The following NEK7 variants were observed in gnomAD, a reference collection of about 807,000 sequenced individuals.
The protein encoded by NEK7 is NIMA related kinase 7.
In NEK7, 18 loss-of-function variants were observed where a neutral mutation model predicts 44.6. That is an observed-to-expected ratio of 0.40 (90% CI 0.28 to 0.60). NEK7 has a LOEUF of 0.60. NEK7 is among the 20% of genes least tolerant of loss of function. The probability of loss-of-function intolerance (pLI) is 0.38; values close to 1 mark genes in which losing one functional copy is unlikely to be tolerated. For missense variants in NEK7, 256 were observed against 366.5 expected, an observed-to-expected ratio of 0.70 and a Z score of 2.46; for synonymous variants, 130 against 121.1, an observed-to-expected ratio of 1.07 and a Z score of -0.48.
intron 9 of NEK7, among the ~76,000 whole-genome samples, chr1:198,308,816 C>A (rs1655089204): frequency 6.6e-6 from 1 of 152,144 alleles, no homozygotes; most frequent in South Asian, 2.1e-4. Flanking sequence ...GAATCGAATT[C>A]TGTTACCTCT....
intron 9 of NEK7, among the ~76,000 whole-genome samples, chr1:198,304,104 T>C (rs1314415903): frequency 1.3e-5 from 2 of 152,196 alleles, no homozygotes; most frequent in African/African-American, 4.8e-5. Flanking sequence ...TGTTCACCTA[T>C]GCTTCTGAAG....
At chr1:198,301,289 G>A (rs895972566) in intron 9 of NEK7, among the ~76,000 whole-genome samples, 9 of 152,234 alleles carry the variant, frequency 5.9e-5, no homozygotes, top group African/African-American at 9.6e-5. Flanking sequence ...TGTGGCTCAC[G>A]CCTGTAGTCC....
intron 7 of NEK7, among the ~76,000 whole-genome samples, chr1:198,291,774 C>T (rs2103005513): frequency 6.6e-6 from 1 of 152,178 alleles, no homozygotes; most frequent in East Asian, 1.9e-4. Context: ...ATGATGTTTT[C>T]ACCTTTAGCT....
At position 198,233,156 on chromosome 1, in the gene NEK7, C is replaced by T. The variant is rs147918561; in HGVS notation, c.57+519C>T. ...GTGCCAGTACATTTTGTACCTGCCC[C>T]TGCTTTAGTGAGCTGATCTTGCCTT... is the stretch of plus-strand genomic sequence containing the variant. On this transcript the variant is annotated intron_variant, in intron 2 of 9. Transcript: ENST00000367385. Among the ~76,000 whole-genome samples, 20 of 151,882 alleles carry T rather than the reference C, an allele frequency of 1.3e-4. No homozygotes were observed. The East Asian group carries it at 3.7e-3, about 28-fold the overall frequency.
Position 198,167,650 on chromosome 1 carries a change from G to C in NEK7, c.-29+10374G>C, listed in dbSNP as rs550652022. Among the ~76,000 whole-genome samples, 11 of 152,212 alleles carry C rather than the reference G, an allele frequency of 7.2e-5. No individual in the cohort carries two copies. The South Asian group carries it at 2.1e-3, about 29-fold the overall frequency. On this transcript the variant is annotated intron_variant, in intron 1 of 9. Coordinates refer to ENST00000367385, the MANE Select transcript of NEK7 (RefSeq NM_133494.3). ...GGTGTGAAAGCTTACCACTTCCCTT[G>C]CTCCTGAGGTGTTTTTTTGCACAGG... is the stretch of plus-strand genomic sequence containing the variant.
intron 1 of NEK7, among the ~76,000 whole-genome samples, chr1:198,176,602 AT>A (rs1664610209): frequency 6.6e-6 from 1 of 152,080 alleles, no homozygotes; most frequent in East Asian, 1.9e-4. Flanking sequence ...ATATATATAT[AT>A]ATAATGGGTA....
chr1:198,252,324 T>C (rs1342258394), intron 2 of NEK7, among the ~76,000 whole-genome samples: 4 of 151,666 alleles, frequency 2.6e-5, no homozygotes, highest in East Asian at 1.9e-4. Flanking sequence ...ATAGGTGTGG[T>C]GTGGTGCTGA....
At chr1:198,250,265 C>G (rs1472506431) in intron 2 of NEK7, among the ~76,000 whole-genome samples, 1 of 137,998 alleles carries the variant, frequency 7.2e-6, no homozygotes, top group Non-Finnish European at 1.6e-5. Flanking sequence ...CAGTACCATG[C>G]TGTTTTGGTT....
chr1:198,197,908 GC>G, intron 1 of NEK7: 1 of 1,291,996 alleles, frequency 7.7e-7, no homozygotes, highest in Non-Finnish European at 1.1e-6. Context: ...GTCCGAACAT[GC>G]CAGGAGCCAA....
chr1:198,295,132 C>G (rs1558099177), intron 8 of NEK7, among the ~76,000 whole-genome samples: 1 of 150,282 alleles, frequency 6.7e-6, no homozygotes, highest in Non-Finnish European at 1.5e-5. Context: ...TGATATGCAA[C>G]AAAGTAGACT....
At chr1:198,235,093 C>A (rs1178759814) in intron 2 of NEK7, among the ~76,000 whole-genome samples, 1 of 152,108 alleles carries the variant, frequency 6.6e-6, no homozygotes, top group Non-Finnish European at 1.5e-5. Flanking sequence ...TGACTTCTTT[C>A]ACTTTTGTAA....
chr1:198,320,516 A>G lies in NEK7; in HGVS notation c.*994A>G, dbSNP rs145679877. 3.3e-5 allele frequency: 5 copies of G among 152,236 alleles called. No individual in the cohort carries two copies. The East Asian group carries it at 7.7e-4, about 23-fold the overall frequency. 9.4% of individuals were successfully genotyped at this position (152,236 alleles called of 1,614,324 possible). A position where few individuals can be genotyped will look rare whatever the true frequency, so the allele number is the denominator to read the frequency against. The stretch of plus-strand genomic sequence containing the variant: ...CAAGTTACTTTCTTATTTATATTGT[A>G]TGTGCATTTTATCCATTAATGTTTC... On this transcript the variant is annotated 3_prime_UTR_variant, in exon 10 of 10. Coordinates refer to ENST00000367385, the MANE Select transcript of NEK7 (RefSeq NM_133494.3).
intron 3 of NEK7, among the ~76,000 whole-genome samples, chr1:198,255,670 C>T: frequency 6.6e-6 from 1 of 152,104 alleles, no homozygotes; most frequent in East Asian, 1.9e-4. Context: ...TGTGATAAAC[C>T]TCAAATTACT....
chr1:198,278,360 A>G (rs1174991912), intron 6 of NEK7, among the ~76,000 whole-genome samples: 2 of 151,556 alleles, frequency 1.3e-5, no homozygotes, highest in East Asian at 1.9e-4. Flanking sequence ...TCTTCAAATA[A>G]ACAATGTATA....
At chr1:198,275,812 C>T (rs1409583477) in intron 5 of NEK7, among the ~76,000 whole-genome samples, 1 of 151,002 alleles carries the variant, frequency 6.6e-6, no homozygotes, top group Admixed American at 6.6e-5. Context: ...ACAGGCTTTT[C>T]TCATTTTAAG....
intron 5 of NEK7, among the ~76,000 whole-genome samples, chr1:198,276,317 TACAC>T (rs917798360): frequency 1.2e-4 from 18 of 151,840 alleles, no homozygotes; most frequent in African/African-American, 3.6e-4. Flanking sequence ...CATGGTCTGA[TACAC>T]ACATGATATG....
intron 1 of NEK7, among the ~76,000 whole-genome samples, chr1:198,178,806 A>G (rs186650886): frequency 2.2e-3 from 334 of 152,162 alleles, no homozygotes; most frequent in Middle Eastern, 3.4e-3. Context: ...CAAAGCTTCA[A>G]TAAAATTAAA....
At chr1:198,201,097 T>C (rs1665417988) in intron 1 of NEK7, among the ~76,000 whole-genome samples, 1 of 152,232 alleles carries the variant, frequency 6.6e-6, no homozygotes, top group Non-Finnish European at 1.5e-5. Flanking sequence ...ATATTTTCAT[T>C]GTATATAATT....
chr1:198,179,194 A>G (rs982922717), intron 1 of NEK7, among the ~76,000 whole-genome samples: 10 of 152,054 alleles, frequency 6.6e-5, no homozygotes, highest in African/African-American at 2.4e-4. Flanking sequence ...AAGGCCTTGC[A>G]TTTTTAGGCA....
Sources: allele counts gnomAD v4.1 joint callset (sites outside exome capture counted in the v4.1 genomes callset), GRCh38; gene constraint gnomAD v4.1.1; transcripts MANE v1.5; gene names NCBI Gene and HGNC (gene_info 2026-07-23, HGNC 2026-07-21).